The following SHANK2 variants were observed in gnomAD, a reference collection of about 807,000 sequenced individuals.
The protein encoded by SHANK2 is SH3 and multiple ankyrin repeat domains 2.
Under a neutral mutation model 133.7 loss-of-function variants are expected in SHANK2, and 43 were observed. That is an observed-to-expected ratio of 0.32 (90% confidence interval 0.25 to 0.41). SHANK2 has a LOEUF of 0.41. Ranked by LOEUF, SHANK2 falls within the 10% of genes least tolerant of loss-of-function variation. The pLI, the probability that SHANK2 is intolerant of heterozygous loss-of-function variation, is 1.00. For missense variants in SHANK2, 1,994 were observed against 2,235.8 expected, an observed-to-expected ratio of 0.89 and a Z score of 2.18; for synonymous variants, 1,017 against 952.8, an observed-to-expected ratio of 1.07 and a Z score of -1.24.
chr11:70,603,898 C>T (rs2060536133), intron 17 of SHANK2: 1 of 152,724 alleles, frequency 6.5e-6, no homozygotes, highest in Admixed American at 6.5e-5. Flanking sequence ...TGGTGCTTGG[C>T]ACCCAGAAGT....
intron 1 of SHANK2, among the ~76,000 whole-genome samples, chr11:71,249,740 G>T (rs913643063): frequency 6.6e-6 from 1 of 152,212 alleles, no homozygotes; most frequent in Non-Finnish European, 1.5e-5. Flanking sequence ...TGGAAGTAAG[G>T]CAAGTATGCT....
rs191392028 is a variant in SHANK2, at chr11:70,876,290, G to A, written c.1174+20211C>T. Reference sequence around the variant, plus strand: ...CACACACACACACTTGGCTGGGTGCGGTGGCTCACGCCTGTAATCCCAGCA... The same window carrying A: ...CACACACACACACTTGGCTGGGTGCAGTGGCTCACGCCTGTAATCCCAGCA... On this transcript the variant is annotated intron_variant, in intron 11 of 25. Coordinates refer to ENST00000601538, the MANE Select transcript of SHANK2 (RefSeq NM_012309.5). Among the ~76,000 whole-genome samples the A allele has an allele frequency of 8.7e-4, 107 of 122,480 alleles. 1 individual carries two copies. The East Asian group carries it at 0.022, about 25-fold the overall frequency. 80.4% of individuals were successfully genotyped at this position (122,480 alleles called of 152,430 possible). A position where few individuals can be genotyped will look rare whatever the true frequency, so the allele number is the denominator to read the frequency against.
rs1403653601 is a variant in SHANK2, at chr11:70,586,996, T to G, written c.2061+72832A>C. 4.6e-5 allele frequency among the ~76,000 whole-genome samples: 7 copies of G among 152,120 alleles called. 1 individual carries two copies. Reference sequence around the variant, plus strand: ...GATTGTTATTCGAGGTCATTCTCCATGCACCGCTGGGCACATGCAGGAATA... The same window carrying G: ...GATTGTTATTCGAGGTCATTCTCCAGGCACCGCTGGGCACATGCAGGAATA... On this transcript the variant is annotated intron_variant, in intron 17 of 25. Coordinates refer to ENST00000601538, the MANE Select transcript of SHANK2 (RefSeq NM_012309.5).
chr11:71,204,434 G>A (rs1156820057), intron 2 of SHANK2, among the ~76,000 whole-genome samples: 1 of 152,106 alleles, frequency 6.6e-6, no homozygotes, highest in East Asian at 1.9e-4. Context: ...GTGAGCCTGT[G>A]CCAGGAAGGG....
At chr11:71,071,345 G>A (rs1487251670) in intron 9 of SHANK2, among the ~76,000 whole-genome samples, 3 of 152,210 alleles carry the variant, frequency 2.0e-5, no homozygotes, top group Admixed American at 6.5e-5. Flanking sequence ...CTTTCTTTGA[G>A]TGGGGGAAGT....
In SHANK2 at chr11:70,472,860, C is replaced by T; in HGVS notation, c.*9G>A. 6.2e-7 allele frequency: 1 copy of T among 1,613,808 alleles called. No individual in the cohort carries two copies. The highest frequency in any genetic ancestry group is 8.5e-7 in the Non-Finnish European group (1 of 1,179,670). On this transcript the variant is annotated 3_prime_UTR_variant, in exon 26 of 26. Transcript: ENST00000601538. The surrounding 1 kb of genome is among the most constrained non-coding windows in gnomAD (Gnocchi z 4.4). ...CAAGAGCAGTCTGCGAGGTGGAGAG[C>T]AGCCGTCCTTATCTGTCCAGCAGCT... is the stretch of plus-strand genomic sequence containing the variant.
chr11:70,790,402 C>A (rs782546902), intron 14 of SHANK2, among the ~76,000 whole-genome samples: 1 of 152,192 alleles, frequency 6.6e-6, no homozygotes, highest in Non-Finnish European at 1.5e-5. Flanking sequence ...CAAGCACTAG[C>A]CTAGGTGTTG....
At chr11:70,707,173 A>G (rs1945679334) in intron 14 of SHANK2, among the ~76,000 whole-genome samples, 1 of 151,936 alleles carries the variant, frequency 6.6e-6, no homozygotes, top group African/African-American at 2.4e-5. Flanking sequence ...GGAGTTCAAG[A>G]CCAGCCTGGT....
chr11:70,585,994 A>G (rs2060246224), intron 17 of SHANK2, among the ~76,000 whole-genome samples: 1 of 152,158 alleles, frequency 6.6e-6, no homozygotes, highest in African/African-American at 2.4e-5. Flanking sequence ...AACCTCCCAT[A>G]GGGAGACAGC....
intron 11 of SHANK2, among the ~76,000 whole-genome samples, chr11:70,867,787 T>C (rs542289073): frequency 6.6e-6 from 1 of 152,346 alleles, no homozygotes; most frequent in South Asian, 2.1e-4. Flanking sequence ...CTGTGAAGTT[T>C]CCAAGGAAGC....
intron 14 of SHANK2, among the ~76,000 whole-genome samples, chr11:70,794,514 C>T (rs1452038639): frequency 6.6e-6 from 1 of 152,128 alleles, no homozygotes; most frequent in East Asian, 1.9e-4. Flanking sequence ...TGGAAGACAG[C>T]CTGAGATCAC....
At chr11:70,751,520 T>C (rs782237962) in intron 14 of SHANK2, among the ~76,000 whole-genome samples, 63 of 152,196 alleles carry the variant, frequency 4.1e-4, no homozygotes, top group Non-Finnish European at 8.4e-4. Flanking sequence ...ATGCCAAAGA[T>C]AATGCTTGGA....
chr11:70,924,993 G>A (rs1318309460), intron 10 of SHANK2, among the ~76,000 whole-genome samples: 1 of 152,116 alleles, frequency 6.6e-6, no homozygotes, highest in Non-Finnish European at 1.5e-5. Flanking sequence ...GGCAGATTGA[G>A]CACCCACTTG....
intron 1 of SHANK2, chr11:71,240,655 A>T (rs1954878129): frequency 6.6e-6 from 1 of 152,266 alleles, no homozygotes; most frequent in Non-Finnish European, 1.5e-5. Flanking sequence ...TGGGCTGGGC[A>T]TGGGGGCTCA....
chr11:70,523,493 G>A (rs1376182154), intron 17 of SHANK2, among the ~76,000 whole-genome samples: 1 of 152,202 alleles, frequency 6.6e-6, no homozygotes, highest in Non-Finnish European at 1.5e-5. Context: ...CTGAGGACGG[G>A]TGTGTGACTG....
At chr11:70,718,208 G>A (rs907983272) in intron 14 of SHANK2, among the ~76,000 whole-genome samples, 20 of 152,322 alleles carry the variant, frequency 1.3e-4, no homozygotes, top group African/African-American at 1.9e-4. Flanking sequence ...ACTTAGAGGC[G>A]GCAGCTGTCC....
At chr11:70,757,469 A>C (rs1285728327) in intron 14 of SHANK2, among the ~76,000 whole-genome samples, 1 of 152,242 alleles carries the variant, frequency 6.6e-6, no homozygotes, top group Non-Finnish European at 1.5e-5. Context: ...CTGCGGCAGC[A>C]GCTCCCATGG....
chr11:71,240,757 C>T (rs1306952959), intron 1 of SHANK2: 5 of 151,800 alleles, frequency 3.3e-5, no homozygotes, highest in Non-Finnish European at 5.9e-5. Context: ...CAGGGAGACC[C>T]CTCTAAAAAA....
chr11:71,234,603 G>A (rs1437186950), intron 1 of SHANK2, among the ~76,000 whole-genome samples: 2 of 152,166 alleles, frequency 1.3e-5, no homozygotes, highest in South Asian at 2.1e-4. Context: ...CAGCCTGCCC[G>A]AGCCTCGGTC....
Sources: allele counts gnomAD v4.1 joint callset (sites outside exome capture counted in the v4.1 genomes callset), GRCh38; gene constraint gnomAD v4.1.1; non-coding constraint Gnocchi (gnomAD v3.1); transcripts MANE v1.5; gene names NCBI Gene and HGNC (gene_info 2026-07-23, HGNC 2026-07-21).